Variants in AKAP11 observed in about 807,000 individuals in gnomAD.
AKAP11 encodes A-kinase anchoring protein 11, also known as A-kinase anchor protein 11.
AKAP11 carries 36 observed loss-of-function variants against 146.1 expected under a neutral mutation model. The observed-to-expected ratio is 0.25, with a 90% CI of 0.19 to 0.33. The LOEUF is 0.33. Among genes scored for constraint, AKAP11 ranks in the 10% least tolerant of loss-of-function variants. AKAP11 has a pLI of 1.00. For synonymous variants in AKAP11, 780 were observed against 786.5 expected (o/e 0.99, Z 0.14); for missense variants, 2,201 against 2,197.0 (o/e 1.00, Z -0.04).
In AKAP11 at chr13:42,321,102, A is replaced by G. The variant is rs1031899341; in HGVS notation, c.*1874A>G. The G allele has an allele frequency of 6.6e-6, 1 of 152,300 alleles. No homozygotes were observed. The highest frequency in any genetic ancestry group is 2.1e-4 in the South Asian group (1 of 4,824). 9.4% of individuals were successfully genotyped at this position (152,300 alleles called of 1,614,324 possible). On this transcript the variant is annotated 3_prime_UTR_variant, in exon 13 of 13. Coordinates refer to ENST00000025301, the MANE Select transcript of AKAP11 (RefSeq NM_016248.4). ...GTTTTTTTAAATGTTAGGACTAGGA[A>G]TGTTTGCTCTTGTTAATTATGAATT...
chr13:42,288,957 G>T (rs188101093), intron 3 of AKAP11, among the ~76,000 whole-genome samples: 100 of 152,256 alleles, frequency 6.6e-4, no homozygotes, highest in Non-Finnish European at 1.4e-3. Flanking sequence ...AGAATTTCAG[G>T]TTTTCCCATG....
intron 1 of AKAP11, among the ~76,000 whole-genome samples, chr13:42,281,550 A>G (rs1959059028): frequency 6.6e-6 from 1 of 152,218 alleles, no homozygotes; most frequent in Non-Finnish European, 1.5e-5. Context: ...CAGAGGAGAT[A>G]AGGAAAGACT....
At chr13:42,297,328 T>C in intron 6 of AKAP11, 146 bp downstream of exon 6, 1 of 566,674 alleles carries the variant, frequency 1.8e-6, no homozygotes, top group East Asian at 3.9e-5. Context: ...GAAATATAAC[T>C]CATGAAGCAT....
Position 42,297,159 on chromosome 13 carries a change from A to G in AKAP11, c.328A>G (p.Ile110Val). ...CMKNINKPLD[I>V]SSDPLNQSHP... Reference sequence around the variant, plus strand: ...GAAGAATATAAATAAACCATTAGATATAAGCAGTGATCCTCTAAATCAGGT... The same window carrying G: ...GAAGAATATAAATAAACCATTAGATGTAAGCAGTGATCCTCTAAATCAGGT... Residue 110 changes from isoleucine (I) to valine (V), a missense_variant, in exon 6 of 13, where the codon ATA becomes GTA. Coordinates refer to ENST00000025301, the MANE Select transcript of AKAP11 (RefSeq NM_016248.4). The G allele has an allele frequency of 2.0e-6, 3 of 1,515,234 alleles. No homozygotes were observed. The highest frequency in any genetic ancestry group is 2.7e-6 in the Non-Finnish European group (3 of 1,127,376). The allele number at this position is 1,515,234 out of a possible 1,614,324, so 93.9% of individuals were successfully genotyped here.
At chr13:42,274,936 A>G (rs1252430571) in intron 1 of AKAP11, among the ~76,000 whole-genome samples, 1 of 152,240 alleles carries the variant, frequency 6.6e-6, no homozygotes, top group African/African-American at 2.4e-5. Context: ...CCCACCTCAA[A>G]AAGTTAGTGC....
At chr13:42,290,690 T>G (rs931924631) in intron 3 of AKAP11, among the ~76,000 whole-genome samples, 5 of 152,342 alleles carry the variant, frequency 3.3e-5, no homozygotes, top group African/African-American at 7.2e-5. Flanking sequence ...ATTACCATTT[T>G]CATTCTTCTT....
intron 8 of AKAP11, among the ~76,000 whole-genome samples, chr13:42,305,405 C>A (rs1334955650): frequency 6.6e-6 from 1 of 152,072 alleles, no homozygotes; most frequent in African/African-American, 2.4e-5. Flanking sequence ...TCTCTATTTG[C>A]CCTAATCAGG....
rs774990461 is a variant in AKAP11, at chr13:42,303,667, C to G, written c.4921C>G (p.His1641Asp). ...TTTTCATCTCAGTGTCCCTCAGATTCATGTTAATCTTGATAAGAAGGCAGT... is the reference window on the plus strand; with the variant it reads ...TTTTCATCTCAGTGTCCCTCAGATTGATGTTAATCTTGATAAGAAGGCAGT... ...RIFHLSVPQI[H>D]VNLDKKAVLA... The change falls in exon 8 of 13, where the codon CAT (histidine) becomes GAT (aspartate). Residue 1641 changes from histidine (H) to aspartate (D), a missense_variant. Physicochemically the swap from His to Asp is moderately conservative, Grantham distance 81. Transcript: ENST00000025301. 6.2e-7 allele frequency: 1 copy of G among 1,614,094 alleles called. No individual in the cohort carries two copies. Among genetic ancestry groups the G allele is most frequent in the Non-Finnish European group, 8.5e-7 (1 of 1,180,000 alleles).
At chr13:42,291,298 G>T (rs1959209415) in intron 3 of AKAP11, among the ~76,000 whole-genome samples, 1 of 152,108 alleles carries the variant, frequency 6.6e-6, no homozygotes, top group African/African-American at 2.4e-5. Flanking sequence ...TGTCGCCCAG[G>T]CTGGAGTGCA....
rs1286395331 is a variant in AKAP11, at chr13:42,300,971, T to A, written c.2225T>A (p.Phe742Tyr). Residue 742 changes from phenylalanine to tyrosine, a missense_variant, in exon 8 of 13, where the codon TTT (phenylalanine) becomes TAT (tyrosine). Transcript: ENST00000025301. ...GTGCCATCGACACAGGCTGTCACGT[T>A]TTCCCCTTCTTTTCACAATCAAGCA... Reference protein sequence around the residue: ...SVVPSTQAVTFSPSFHNQAIM... With the variant: ...SVVPSTQAVTYSPSFHNQAIM... The A allele has an allele frequency of 1.9e-6, 3 of 1,614,130 alleles. No individual in the cohort carries two copies. Among genetic ancestry groups the A allele is most frequent in the South Asian group, 2.2e-5 (2 of 91,078 alleles).
intron 11 of AKAP11, among the ~76,000 whole-genome samples, chr13:42,316,243 C>G (rs1960816335): frequency 6.6e-6 from 1 of 152,168 alleles, no homozygotes; most frequent in Non-Finnish European, 1.5e-5. Context: ...CTAGAATGGC[C>G]TGCAAGCTGT....
intron 3 of AKAP11, among the ~76,000 whole-genome samples, chr13:42,291,424 T>A (rs1158002733): frequency 6.6e-6 from 1 of 152,140 alleles, no homozygotes; most frequent in Non-Finnish European, 1.5e-5. Context: ...GGCTAATTTG[T>A]GTATTTTTAG....
chr13:42,315,543 TTAAC>T (rs60768817), intron 11 of AKAP11, among the ~76,000 whole-genome samples: 58,221 of 151,684 alleles, frequency 0.38, 11,567 homozygotes, highest in East Asian at 0.62. Context: ...TAGCGATTGT[TTAAC>T]TAGCTTTACT....
chr13:42,275,628 T>G (rs1282508163), intron 1 of AKAP11, among the ~76,000 whole-genome samples: 2 of 152,236 alleles, frequency 1.3e-5, no homozygotes, highest in Non-Finnish European at 2.9e-5. Flanking sequence ...TGCTCTCAGC[T>G]TGGTAATGTT....
At chr13:42,289,109 A>C (rs1021525959) in intron 3 of AKAP11, among the ~76,000 whole-genome samples, 1 of 152,092 alleles carries the variant, frequency 6.6e-6, no homozygotes, top group African/African-American at 2.4e-5. Context: ...TTTTTCCCCC[A>C]ACAACCATTG....
At position 42,313,061 on chromosome 13, in the gene AKAP11, G is replaced by A. The variant is rs778705489; in HGVS notation, c.5288G>A (p.Ser1763Asn). The change falls in exon 10 of 13, where the codon AGT (serine) becomes AAT (asparagine). Residue 1763 changes from serine to asparagine, a missense_variant. Transcript: ENST00000025301. ...HHLSESNGNS[S>N]SWSSLGLEGD... ...TCCTCTGGCAGTAATGGTAACAGCA[G>A]TAGCTGGAGCAGTCTTGGTTTAGAA... The A allele has an allele frequency of 8.1e-6, 13 of 1,613,002 alleles. No individual in the cohort carries two copies. The South Asian group carries it at 1.4e-4, about 18-fold the overall frequency.
rs762956826 is a variant in AKAP11 at position 42,299,861 on chromosome 13, G to C, written c.1115G>C (p.Cys372Ser). Residue 372 changes from cysteine to serine, a missense_variant, in exon 8 of 13, where the codon TGC (cysteine) becomes TCC (serine). Cys to Ser is a moderately radical substitution (Grantham distance 112, BLOSUM62 -1). Coordinates refer to ENST00000025301, the MANE Select transcript of AKAP11 (RefSeq NM_016248.4). The part of the protein sequence containing the change: ...FDELEQTLET[C>S]LFNKDPVIGK... Reference sequence around the variant, plus strand: ...GAACTAGAACAAACTTTAGAGACTTGCCTGTTTAACAAAGATCCCGTCATA... The same window carrying C: ...GAACTAGAACAAACTTTAGAGACTTCCCTGTTTAACAAAGATCCCGTCATA... 2.5e-6 allele frequency: 4 copies of C among 1,613,806 alleles called. No homozygotes were observed. The highest frequency in any genetic ancestry group is 3.4e-6 in the Non-Finnish European group (4 of 1,179,864).
At chr13:42,315,700 T>G (rs1353377783) in intron 11 of AKAP11, among the ~76,000 whole-genome samples, 1 of 152,248 alleles carries the variant, frequency 6.6e-6, no homozygotes, top group African/African-American at 2.4e-5. Flanking sequence ...TATGTTGATA[T>G]GTCATTACTG....
At chr13:42,273,378 C>A (rs1958827800) in intron 1 of AKAP11, among the ~76,000 whole-genome samples, 1 of 147,024 alleles carries the variant, frequency 6.8e-6, no homozygotes, top group South Asian at 2.2e-4. Context: ...TTTTGAAAAA[C>A]ACATTTACTT....
Sources: allele counts gnomAD v4.1 joint callset (sites outside exome capture counted in the v4.1 genomes callset), GRCh38; gene constraint gnomAD v4.1.1; transcripts MANE v1.5; gene names NCBI Gene and HGNC (gene_info 2026-07-23, HGNC 2026-07-21).